Variants in SNX29 observed in about 807,000 individuals in gnomAD.
SNX29 encodes sorting nexin-29.
A neutral mutation model predicts 102.1 loss-of-function variants in SNX29; 78 were observed. The observed-to-expected ratio is 0.76, with a 90% CI of 0.64 to 0.92. The LOEUF (loss-of-function observed/expected upper bound fraction) is 0.92. SNX29 is among the 40% of genes least tolerant of loss of function. SNX29 has a pLI of 0.00. For synonymous variants in SNX29, 580 were observed against 414.5 expected (o/e 1.40, Z -4.85); for missense variants, 1,280 against 1,061.7 (o/e 1.21, Z -2.86).
chr16:12,477,262 G>A (rs992453362), intron 18 of SNX29, among the ~76,000 whole-genome samples: 1 of 152,150 alleles, frequency 6.6e-6, no homozygotes, highest in Non-Finnish European at 1.5e-5. Context: ...CATCTGTGTG[G>A]TGGTCGGTGT....
chr16:12,551,688 A>G (rs1428329522), intron 20 of SNX29, among the ~76,000 whole-genome samples: 1 of 152,040 alleles, frequency 6.6e-6, no homozygotes, highest in Non-Finnish European at 1.5e-5. Flanking sequence ...TAAAAGTACC[A>G]CCCTCCTTTC....
At chr16:12,124,775 A>G (rs1237717788) in intron 11 of SNX29, among the ~76,000 whole-genome samples, 3 of 152,162 alleles carry the variant, frequency 2.0e-5, no homozygotes, top group African/African-American at 7.2e-5. Context: ...ATTGGTTGAA[A>G]TTGACATTCC....
At chr16:11,994,279 C>A (rs1162763599) in intron 1 of SNX29, among the ~76,000 whole-genome samples, 3 of 152,162 alleles carry the variant, frequency 2.0e-5, no homozygotes, top group Non-Finnish European at 4.4e-5. Flanking sequence ...GGGTGCCTTT[C>A]CATTTTCTGT....
At chr16:12,459,789 T>A (rs1023874725) in intron 18 of SNX29, among the ~76,000 whole-genome samples, 2 of 152,152 alleles carry the variant, frequency 1.3e-5, no homozygotes, top group African/African-American at 4.8e-5. Flanking sequence ...GGCCCAGCAG[T>A]CTTTCCAGCT....
At chr16:11,997,313 T>A (rs2056113296) in intron 1 of SNX29, among the ~76,000 whole-genome samples, 1 of 152,138 alleles carries the variant, frequency 6.6e-6, no homozygotes. Context: ...TAGCTGTTCC[T>A]TCTCTTCATA....
At chr16:11,978,840 G>A (rs1343756051) in intron 1 of SNX29, among the ~76,000 whole-genome samples, 4 of 151,352 alleles carry the variant, frequency 2.6e-5, no homozygotes, top group Admixed American at 6.6e-5. Flanking sequence ...CAGGAGAATC[G>A]CTTAAACCCC....
intron 15 of SNX29, among the ~76,000 whole-genome samples, chr16:12,287,239 G>A (rs928192254): frequency 3.3e-5 from 5 of 152,194 alleles, no homozygotes; most frequent in Non-Finnish European, 7.3e-5. Flanking sequence ...ATGAGGAGGT[G>A]TGACCACAGC....
Position 12,512,369 on chromosome 16 carries a change from A to ATATATATATATATATAT in SNX29, c.2179-12333_2179-12332insTATATATATATATATAT, listed in dbSNP as rs2089660367. On this transcript the variant is annotated intron_variant, in intron 19 of 20. Coordinates refer to ENST00000566228, the MANE Select transcript of SNX29 (RefSeq NM_032167.5). ...CGTCCATCATGGAAGGCCCAGGGAA[A>ATATATATATATATATAT]ATATATATATATATATATATATATA... Among the ~76,000 whole-genome samples the ATATATATATATATATAT allele has an allele frequency of 2.0e-4, 9 of 43,938 alleles. 2 individuals are homozygous for ATATATATATATATATAT. Among genetic ancestry groups the ATATATATATATATATAT allele is most frequent in the South Asian group, 2.1e-3 (2 of 966 alleles). The allele number at this position is 43,938 out of a possible 152,430, so 28.8% of individuals were successfully genotyped here. A position where few individuals can be genotyped will look rare whatever the true frequency, so the allele number is the denominator to read the frequency against.
At chr16:12,206,737 G>T (rs543186271) in intron 14 of SNX29, among the ~76,000 whole-genome samples, 129 of 151,574 alleles carry the variant, frequency 8.5e-4, no homozygotes, top group African/African-American at 3.0e-3. Flanking sequence ...GCTTTTAATG[G>T]AGTCACCTGG....
intron 11 of SNX29, among the ~76,000 whole-genome samples, chr16:12,109,424 C>A (rs998988123): frequency 3.3e-5 from 5 of 152,172 alleles, no homozygotes; most frequent in African/African-American, 1.2e-4. Context: ...TCAATACACT[C>A]ATGATTGCCA....
intron 9 of SNX29, among the ~76,000 whole-genome samples, chr16:12,067,920 C>T (rs1433597220): frequency 6.6e-6 from 1 of 152,172 alleles, no homozygotes; most frequent in Non-Finnish European, 1.5e-5. Flanking sequence ...TGTTCAGGTC[C>T]CTAGCCCGTT....
intron 14 of SNX29, among the ~76,000 whole-genome samples, chr16:12,220,074 G>T (rs1042319829): frequency 3.9e-5 from 6 of 152,186 alleles, no homozygotes; most frequent in African/African-American, 7.2e-5. Flanking sequence ...TTACTCCAGG[G>T]TCTCTTGCGA....
At chr16:12,231,105 G>C (rs549526202) in intron 14 of SNX29, among the ~76,000 whole-genome samples, 1 of 152,026 alleles carries the variant, frequency 6.6e-6, no homozygotes, top group Admixed American at 6.5e-5. Flanking sequence ...CTCCCACCTC[G>C]GCCTCCCAAA....
At chr16:12,540,858 A>C (rs1171495693) in intron 20 of SNX29, among the ~76,000 whole-genome samples, 1 of 152,298 alleles carries the variant, frequency 6.6e-6, no homozygotes, top group Non-Finnish European at 1.5e-5. Flanking sequence ...CTTTCTGAGC[A>C]GGAGTGCCCT....
intron 19 of SNX29, among the ~76,000 whole-genome samples, chr16:12,480,158 C>T (rs2087839016): frequency 1.3e-5 from 2 of 152,192 alleles, no homozygotes; most frequent in Non-Finnish European, 2.9e-5. Context: ...TTACTGCTGT[C>T]ACAAATCCCC....
chr16:12,551,407 G>A (rs768810722), intron 20 of SNX29, among the ~76,000 whole-genome samples: 1 of 152,112 alleles, frequency 6.6e-6, no homozygotes, highest in Non-Finnish European at 1.5e-5. Context: ...TTCAAGTTGG[G>A]GTCTCAGCCA....
intron 11 of SNX29, among the ~76,000 whole-genome samples, chr16:12,102,313 C>G (rs1267380736): frequency 1.3e-5 from 2 of 152,190 alleles, no homozygotes; most frequent in Non-Finnish European, 2.9e-5. Context: ...AATGATATTT[C>G]TGGTTCTAGA....
chr16:12,386,953 C>T (rs939999628), intron 16 of SNX29, among the ~76,000 whole-genome samples: 3 of 151,970 alleles, frequency 2.0e-5, no homozygotes, highest in Admixed American at 6.6e-5. Flanking sequence ...GGTGAAACCT[C>T]ATCTGTACTA....
chr16:12,553,775 A>G (rs2078145149), intron 20 of SNX29, among the ~76,000 whole-genome samples: 1 of 151,926 alleles, frequency 6.6e-6, no homozygotes, highest in Non-Finnish European at 1.5e-5. Flanking sequence ...TTAAGTACAG[A>G]CAGGGTTTCA....
Sources: allele counts gnomAD v4.1 joint callset (sites outside exome capture counted in the v4.1 genomes callset), GRCh38; gene constraint gnomAD v4.1.1; transcripts MANE v1.5; gene names NCBI Gene and HGNC (gene_info 2026-07-23, HGNC 2026-07-21).